Variants in YPEL3 observed in about 807,000 individuals in gnomAD.
YPEL3 encodes the protein yippee like 3.
In YPEL3, 5 loss-of-function variants were observed where a neutral mutation model predicts 17.5. The observed-to-expected ratio is 0.29, with a 90% CI of 0.15 to 0.60. YPEL3 has a LOEUF of 0.60. Ranked by LOEUF, YPEL3 falls within the 20% of genes least tolerant of loss-of-function variation. YPEL3 has a pLI of 0.87. For synonymous variants in YPEL3, 87 were observed against 87.2 expected (o/e 1.00, Z 0.01); for missense variants, 155 against 211.4 (o/e 0.73, Z 1.65).
chr16:30,095,294 G>C lies in YPEL3; in HGVS notation c.189C>G (p.His63Gln). Reference protein sequence around the residue: ...DDCHRRYSCAHCRAHLANHDD... With the variant: ...DDCHRRYSCAQCRAHLANHDD... ...CGTGGTTGGCCAGGTGAGCGCGGCA[G>C]TGGGCACAGCTATACCTCCGGTGAC... The change falls in exon 1 of 4, where the codon CAC becomes CAG. Residue 63 changes from histidine (H) to glutamine (Q), a missense_variant. His to Gln is a conservative substitution (Grantham distance 24, BLOSUM62 0). Coordinates refer to ENST00000398841, the MANE Select transcript of YPEL3 (RefSeq NM_031477.5). This position sits in a 1 kb window ranked among gnomAD's most constrained non-coding sequence, Gnocchi z 5.4. 6.2e-7 allele frequency: 1 copy of C among 1,614,226 alleles called. No individual in the cohort carries two copies. The highest frequency in any genetic ancestry group is 8.5e-7 in the Non-Finnish European group (1 of 1,180,028).
intron 3 of YPEL3, 47 bp from the exon 4 acceptor site, chr16:30,092,846 A>G (rs1481813047): frequency 1.3e-6 from 2 of 1,552,972 alleles, no homozygotes; most frequent in African/African-American, 2.7e-5. Context: ...CAGTCTCACC[A>G]CAAGGCACTG....
In YPEL3 at chr16:30,095,025, G is replaced by A; in HGVS notation, c.275+78C>T. 1 of 1,605,390 alleles carries A rather than the reference G, an allele frequency of 6.2e-7. No individual in the cohort carries two copies. The highest frequency in any genetic ancestry group is 1.3e-5 in the African/African-American group (1 of 74,820). ...TTTCCTGCCTGCACCGGGGAACTCTGGGAGTCTCAGCAGGATGCCAGGGGT... is the reference window on the plus strand; with the variant it reads ...TTTCCTGCCTGCACCGGGGAACTCTAGGAGTCTCAGCAGGATGCCAGGGGT... On this transcript the variant is annotated intron_variant, in intron 2 of 3. Coordinates refer to ENST00000398841, the MANE Select transcript of YPEL3 (RefSeq NM_031477.5). The surrounding 1 kb of genome is among the most constrained non-coding windows in gnomAD (Gnocchi z 5.4).
rs200422882 is a variant in YPEL3 at position 30,095,511 on chromosome 16, C to T, written c.-29G>A. The T allele has an allele frequency of 7.6e-6, 11 of 1,455,412 alleles. 1 individual carries two copies. Among genetic ancestry groups the T allele is most frequent in the South Asian group, 2.7e-5 (2 of 72,918 alleles). 90.2% of individuals were successfully genotyped at this position (1,455,412 alleles called of 1,614,324 possible). A position where few individuals can be genotyped will look rare whatever the true frequency, so the allele number is the denominator to read the frequency against. ...AGGCACTCCCAGAGCCGTGGGGACT[C>T]GCTCTGTCACACTGGGCTGCTCTCT... On this transcript the variant is annotated 5_prime_UTR_variant, in exon 1 of 4. Coordinates refer to ENST00000398841, the MANE Select transcript of YPEL3 (RefSeq NM_031477.5). This position sits in a 1 kb window ranked among gnomAD's most constrained non-coding sequence, Gnocchi z 5.4.
In YPEL3 at chr16:30,095,092, C is replaced by A. The variant is rs1278426898; in HGVS notation, c.275+11G>T. 6.2e-7 allele frequency: 1 copy of A among 1,613,934 alleles called. No individual in the cohort carries two copies. Among genetic ancestry groups the A allele is most frequent in the Non-Finnish European group, 8.5e-7 (1 of 1,180,016 alleles). On this transcript the variant is annotated intron_variant, in intron 2 of 3. Transcript: ENST00000398841. This position sits in a 1 kb window ranked among gnomAD's most constrained non-coding sequence, Gnocchi z 5.4. Reference sequence around the variant, plus strand: ...GGTCAGGGAAAGCAAGAAGGGAGGCCAGATACTCACACTGAGTTGAAGAGG... The same window carrying A: ...GGTCAGGGAAAGCAAGAAGGGAGGCAAGATACTCACACTGAGTTGAAGAGG...
Position 30,095,830 on chromosome 16 carries a change from T to G in YPEL3, c.-348A>C. 1 of 266,128 alleles carries G rather than the reference T, an allele frequency of 3.8e-6. No homozygotes were observed. Among genetic ancestry groups the G allele is most frequent in the Non-Finnish European group, 7.2e-6 (1 of 139,380 alleles). The allele number at this position is 266,128 out of a possible 1,614,324, so 16.5% of individuals were successfully genotyped here. On this transcript the variant is annotated 5_prime_UTR_variant, in exon 1 of 4. Coordinates refer to ENST00000398841, the MANE Select transcript of YPEL3 (RefSeq NM_031477.5). This position sits in a 1 kb window ranked among gnomAD's most constrained non-coding sequence, Gnocchi z 5.4. ...TGGGGTTCACTGGTGGTTTAGGGGG[T>G]TCATCGGGGAGAGGGTCCCCCACCT...
chr16:30,095,899 G>A lies in YPEL3; in HGVS notation c.-417C>T, dbSNP rs1452126674. ...CGCCGTGAAGGTTGAGGGTCACCTA[G>A]GAGGGGAGGGGCTCTCACCTGCGGG... On this transcript the variant is annotated 5_prime_UTR_variant, in exon 1 of 4. Coordinates refer to ENST00000398841, the MANE Select transcript of YPEL3 (RefSeq NM_031477.5). The surrounding 1 kb of genome is among the most constrained non-coding windows in gnomAD (Gnocchi z 5.4). The A allele has an allele frequency of 5.7e-6, 1 of 176,868 alleles. No homozygotes were observed. Among genetic ancestry groups the A allele is most frequent in the African/African-American group, 2.4e-5 (1 of 42,180 alleles). The allele number at this position is 176,868 out of a possible 1,614,324, so 11.0% of individuals were successfully genotyped here.
intron 3 of YPEL3, among the ~76,000 whole-genome samples, 192 bp from the exon 4 acceptor site, chr16:30,092,991 T>A (rs563441049): frequency 6.6e-6 from 1 of 152,240 alleles, no homozygotes; most frequent in Non-Finnish European, 1.5e-5. Context: ...TAAGTACTAA[T>A]GATGGCTCCA....
rs780046270 is a variant in YPEL3, at chr16:30,094,908, A to G, written c.276-11T>C. The G allele has an allele frequency of 7.5e-6, 12 of 1,610,412 alleles. No individual in the cohort carries two copies. The highest frequency in any genetic ancestry group is 5.0e-5 in the Admixed American group (3 of 59,926). On this transcript the variant is annotated splice_polypyrimidine_tract_variant and intron_variant, in intron 2 of 3. Coordinates refer to ENST00000398841, the MANE Select transcript of YPEL3 (RefSeq NM_031477.5). ...CAGCCCACGTTCACCCTGTGGGGACATGGGGTAGTCCCAGGGAGGGTCCTG... is the reference window on the plus strand; with the variant it reads ...CAGCCCACGTTCACCCTGTGGGGACGTGGGGTAGTCCCAGGGAGGGTCCTG...
Position 30,092,552 on chromosome 16 carries a change from C to T in YPEL3, c.*158G>A, listed in dbSNP as rs956877602. On this transcript the variant is annotated 3_prime_UTR_variant, in exon 4 of 4. Transcript: ENST00000398841. Reference sequence around the variant, plus strand: ...CGTCGTCCCCCTTCTGTTCTCCCCCCAAGGTCACAGTGCATGCAATAAAAT... The same window carrying T: ...CGTCGTCCCCCTTCTGTTCTCCCCCTAAGGTCACAGTGCATGCAATAAAAT... 1 of 628,628 alleles carries T rather than the reference C, an allele frequency of 1.6e-6. No individual in the cohort carries two copies. Among genetic ancestry groups the T allele is most frequent in the African/African-American group, 1.8e-5 (1 of 54,508 alleles). The allele number at this position is 628,628 out of a possible 1,614,324, so 38.9% of individuals were successfully genotyped here.
intron 3 of YPEL3, 78 bp from the exon 4 acceptor site, chr16:30,092,877 G>A: frequency 7.9e-7 from 1 of 1,272,388 alleles, no homozygotes; most frequent in Non-Finnish European, 1.1e-6. Context: ...GTGGACATGA[G>A]TGGCCCCATT....
chr16:30,093,221 C>T (rs2072754773), intron 3 of YPEL3, among the ~76,000 whole-genome samples: 1 of 152,234 alleles, frequency 6.6e-6, no homozygotes, highest in South Asian at 2.1e-4. Flanking sequence ...ACCCTTTACA[C>T]ATCTACAGTA....
chr16:30,095,378 C>A lies in YPEL3; in HGVS notation c.105G>T (p.Pro35=). ...WAAPRVGPLP[P]APAMVRISKP... The stretch of plus-strand genomic sequence containing the variant: ...TTGAAATCCGCACCATGGCGGGGGC[C>A]GGGGGCAGTGGCCCCACGCGGGGAG... The change falls in exon 1 of 4, where the codon CCG becomes CCT. Residue 35 remains proline, a synonymous_variant. Coordinates refer to ENST00000398841, the MANE Select transcript of YPEL3 (RefSeq NM_031477.5). The surrounding 1 kb of genome is among the most constrained non-coding windows in gnomAD (Gnocchi z 5.4). 1.2e-6 allele frequency: 2 copies of A among 1,613,468 alleles called. No homozygotes were observed. The highest frequency in any genetic ancestry group is 1.7e-6 in the Non-Finnish European group (2 of 1,179,788).
chr16:30,094,593 G>C (rs1189432118), intron 3 of YPEL3, 196 bp downstream of exon 3: 1 of 618,924 alleles, frequency 1.6e-6, no homozygotes, highest in Non-Finnish European at 2.9e-6. Flanking sequence ...CCAAGTGCCT[G>C]GGAGAGAAGG....
intron 3 of YPEL3, among the ~76,000 whole-genome samples, chr16:30,093,123 T>C (rs146583204): frequency 6.6e-6 from 1 of 152,232 alleles, no homozygotes; most frequent in Non-Finnish European, 1.5e-5. Context: ...TTAATAAAAA[T>C]AACTTTAAAG....
At position 30,092,658 on chromosome 16, in the gene YPEL3, G is replaced by T. The variant is rs2072744738; in HGVS notation, c.*52C>A. The T allele has an allele frequency of 6.3e-7, 1 of 1,582,808 alleles. No individual in the cohort carries two copies. Among genetic ancestry groups the T allele is most frequent in the Non-Finnish European group, 8.7e-7 (1 of 1,153,632 alleles). ...CTTCGGGTGGCGGGAAGCCAGTGGC[G>T]CTCCCTGGCGGCCAGGCCGGGCTGG... On this transcript the variant is annotated 3_prime_UTR_variant, in exon 4 of 4. Transcript: ENST00000398841.
Position 30,095,360 on chromosome 16 carries a change from C to T in YPEL3, c.123G>A (p.Arg41=), listed in dbSNP as rs774671303. 18 of 1,614,200 alleles carry T rather than the reference C, an allele frequency of 1.1e-5. No homozygotes were observed. The South Asian group carries it at 1.9e-4, about 17-fold the overall frequency. Residue 41 remains arginine, a synonymous_variant, in exon 1 of 4, where the codon CGG becomes CGA. Coordinates refer to ENST00000398841, the MANE Select transcript of YPEL3 (RefSeq NM_031477.5). This position sits in a 1 kb window ranked among gnomAD's most constrained non-coding sequence, Gnocchi z 5.4. ...CCTGAAACGTCTTGGGCTTTGAAAT[C>T]CGCACCATGGCGGGGGCCGGGGGCA... is the stretch of plus-strand genomic sequence containing the variant. ...GPLPPAPAMV[R]ISKPKTFQAY...
Position 30,094,912 on chromosome 16 carries a change from G to T in YPEL3, c.276-15C>A. ...CCACGTTCACCCTGTGGGGACATGG[G>T]GTAGTCCCAGGGAGGGTCCTGCCAT... On this transcript the variant is annotated splice_polypyrimidine_tract_variant and intron_variant, in intron 2 of 3. Coordinates refer to ENST00000398841, the MANE Select transcript of YPEL3 (RefSeq NM_031477.5). 6.2e-7 allele frequency: 1 copy of T among 1,609,220 alleles called. No individual in the cohort carries two copies.
At position 30,095,376 on chromosome 16, in the gene YPEL3, G is replaced by A. The variant is rs201763714; in HGVS notation, c.107C>T (p.Ala36Val). 9.3e-4 allele frequency: 1,496 copies of A among 1,613,850 alleles called. 2 individuals carry two copies. The highest frequency in any genetic ancestry group is 1.1e-3 in the Non-Finnish European group (1,349 of 1,179,894). ...CTTTGAAATCCGCACCATGGCGGGG[G>A]CCGGGGGCAGTGGCCCCACGCGGGG... is the stretch of plus-strand genomic sequence containing the variant. ...AAPRVGPLPPAPAMVRISKPK... is the reference protein window; with the variant it reads ...AAPRVGPLPPVPAMVRISKPK... The change falls in exon 1 of 4, where the codon GCC (alanine) becomes GTC (valine). Residue 36 changes from alanine (A) to valine (V), a missense_variant. Around this residue, in one of 3 missense-constraint regions of YPEL3, gnomAD observed 58 missense variants for 60.0 expected, o/e 0.97. Transcript: ENST00000398841. This position sits in a 1 kb window ranked among gnomAD's most constrained non-coding sequence, Gnocchi z 5.4.
intron 3 of YPEL3, chr16:30,094,063 T>C (rs2072768286): frequency 2.0e-5 from 3 of 153,256 alleles, no homozygotes; most frequent in Admixed American, 6.5e-5. Flanking sequence ...AAGAATCCTG[T>C]CCCTTGCAGT....
Sources: allele counts gnomAD v4.1 joint callset (sites outside exome capture counted in the v4.1 genomes callset), GRCh38; gene constraint gnomAD v4.1.1; regional missense constraint gnomAD v4.1.1; non-coding constraint Gnocchi (gnomAD v3.1); transcripts MANE v1.5; gene names NCBI Gene and HGNC (gene_info 2026-07-23, HGNC 2026-07-21).